The following CPED1 variants were observed in gnomAD, a reference collection of about 807,000 sequenced individuals.
CPED1 encodes the protein cadherin-like and PC-esterase domain-containing protein 1.
A neutral mutation model predicts 128.2 loss-of-function variants in CPED1; 114 were observed. That is an observed-to-expected ratio of 0.89 (90% CI 0.76 to 1.04). The LOEUF (loss-of-function observed/expected upper bound fraction) is 1.04. Ranked by LOEUF, CPED1 falls within the 50% of genes least tolerant of loss-of-function variation. The pLI is 0.00. For missense variants in CPED1, 1,211 were observed against 1,207.1 expected (o/e 1.00, Z -0.05); for synonymous variants, 462 against 426.7 (o/e 1.08, Z -1.02).
chr7:121,012,873 A>G (rs1792196657), intron 2 of CPED1, among the ~76,000 whole-genome samples: 1 of 152,220 alleles, frequency 6.6e-6, no homozygotes, highest in Non-Finnish European at 1.5e-5. Flanking sequence ...TCTACAGGGT[A>G]TATTAGTAAA....
chr7:121,015,255 C>T (rs1792270762), intron 2 of CPED1, among the ~76,000 whole-genome samples: 1 of 152,118 alleles, frequency 6.6e-6, no homozygotes, highest in Non-Finnish European at 1.5e-5. Flanking sequence ...CAAAACCCAT[C>T]CTCTCTGAGT....
In CPED1 at chr7:121,118,580, GAGAA is replaced by G. The variant is rs1253891600; in HGVS notation, c.919-5745_919-5742del. ...TCTAAAAAAAAAAAAAAAACAGAGA[GAGAA>G]AGAAAAAAAAAACCATATCTATCTG... On this transcript the variant is annotated intron_variant, in intron 7 of 22. Coordinates refer to ENST00000310396, the MANE Select transcript of CPED1 (RefSeq NM_024913.5). Among the ~76,000 whole-genome samples, 32 of 148,392 alleles carry G rather than the reference GAGAA, an allele frequency of 2.2e-4. No homozygotes were observed. The East Asian group carries it at 4.1e-3, about 19-fold the overall frequency.
At chr7:121,278,509 A>C (rs1298713276) in intron 22 of CPED1, among the ~76,000 whole-genome samples, 1 of 152,156 alleles carries the variant, frequency 6.6e-6, no homozygotes, top group Non-Finnish European at 1.5e-5. Context: ...AAAATCTTTC[A>C]ATGACCCTGT....
At chr7:121,240,000 A>T (rs1278253576) in intron 17 of CPED1, among the ~76,000 whole-genome samples, 1 of 152,188 alleles carries the variant, frequency 6.6e-6, no homozygotes, top group Non-Finnish European at 1.5e-5. Flanking sequence ...TGTCAAGAGC[A>T]CCAGTTTTGC....
intron 6 of CPED1, among the ~76,000 whole-genome samples, chr7:121,098,253 T>C (rs1794749860): frequency 6.6e-6 from 1 of 152,148 alleles, no homozygotes; most frequent in Admixed American, 6.5e-5. Flanking sequence ...GTTATCCAAG[T>C]TTTCTCCAGG....
intron 2 of CPED1, among the ~76,000 whole-genome samples, chr7:120,994,654 T>TGTGTGTGA: frequency 7.1e-6 from 1 of 141,724 alleles, no homozygotes; most frequent in South Asian, 2.1e-4. Flanking sequence ...TGTGTGTGTG[T>TGTGTGTGA]GTGTGTTGTT....
intron 16 of CPED1, among the ~76,000 whole-genome samples, chr7:121,185,466 A>G (rs1796982284): frequency 6.6e-6 from 1 of 152,188 alleles, no homozygotes; most frequent in Admixed American, 6.6e-5. Context: ...CACAGGAGAT[A>G]GGATAAATAA....
Position 121,000,380 on chromosome 7 carries a change from C to T in CPED1, c.249+10510C>T, listed in dbSNP as rs577742079. On this transcript the variant is annotated intron_variant, in intron 2 of 22. Coordinates refer to ENST00000310396, the MANE Select transcript of CPED1 (RefSeq NM_024913.5). ...ACCACATATGGAGTTCGGAAAGAAA[C>T]GTGACAATAAAAGACTGAGTCGGCC... Among the ~76,000 whole-genome samples, 84 of 152,114 alleles carry T rather than the reference C, an allele frequency of 5.5e-4. 2 individuals carry two copies. The South Asian group carries it at 0.016, about 29-fold the overall frequency.
At chr7:121,041,751 C>T (rs1344233659) in intron 3 of CPED1, among the ~76,000 whole-genome samples, 1 of 152,128 alleles carries the variant, frequency 6.6e-6, no homozygotes, top group Non-Finnish European at 1.5e-5. Context: ...CTAAAAATTG[C>T]TCTTACTTTT....
At chr7:121,044,965 AG>A (rs1435845940) in intron 3 of CPED1, among the ~76,000 whole-genome samples, 2 of 152,122 alleles carry the variant, frequency 1.3e-5, no homozygotes, top group Non-Finnish European at 2.9e-5. Context: ...ATATGACAGG[AG>A]GTTTCTTCTA....
chr7:120,993,246 G>A (rs1015224406), intron 2 of CPED1, among the ~76,000 whole-genome samples: 1 of 152,138 alleles, frequency 6.6e-6, no homozygotes, highest in Non-Finnish European at 1.5e-5. Context: ...AGCACAGGAA[G>A]CACATTAAAT....
At chr7:121,261,844 C>T (rs1584640191) in intron 18 of CPED1, 8 of 885,524 alleles carry the variant, frequency 9.0e-6, no homozygotes, top group South Asian at 1.6e-5. Flanking sequence ...GCTTATCTCA[C>T]CTAATACAGG....
chr7:121,141,721 TAATA>T (rs1795907650), intron 15 of CPED1, among the ~76,000 whole-genome samples: 1 of 152,116 alleles, frequency 6.6e-6, no homozygotes, highest in South Asian at 2.1e-4. Context: ...GGCAGGTGGT[TAATA>T]AATATTAGTT....
At chr7:121,111,189 T>C (rs1370015436) in intron 7 of CPED1, among the ~76,000 whole-genome samples, 1 of 152,180 alleles carries the variant, frequency 6.6e-6, no homozygotes, top group Non-Finnish European at 1.5e-5. Flanking sequence ...TCTCAGCCCT[T>C]GGTTGCTCTG....
chr7:121,201,448 AAGAG>A (rs1044732323), intron 16 of CPED1, among the ~76,000 whole-genome samples: 5 of 113,456 alleles, frequency 4.4e-5, no homozygotes, highest in African/African-American at 6.3e-5. Flanking sequence ...AAGAAAGAGA[AAGAG>A]AGAAAGAGGG....
intron 16 of CPED1, among the ~76,000 whole-genome samples, chr7:121,150,414 A>G (rs1396590351): frequency 1.3e-5 from 2 of 151,958 alleles, no homozygotes. Context: ...AGTATTCCGC[A>G]TGGTGTATAT....
In CPED1 at chr7:121,287,761, A is replaced by G. The variant is rs573252444; in HGVS notation, c.2869-7679A>G. ...ATGGCATTTTAATTAACTCGGGAAG[A>G]TTTGACATGCTATGTCTGCATTTGT... On this transcript the variant is annotated intron_variant, in intron 22 of 22. Coordinates refer to ENST00000310396, the MANE Select transcript of CPED1 (RefSeq NM_024913.5). Among the ~76,000 whole-genome samples the G allele has an allele frequency of 8.5e-5, 13 of 152,230 alleles. No homozygotes were observed. In the East Asian group the frequency reaches 2.3e-3, roughly 27 times the overall value.
intron 3 of CPED1, among the ~76,000 whole-genome samples, chr7:121,032,593 A>G (rs183088497): frequency 1.9e-4 from 29 of 151,942 alleles, no homozygotes; most frequent in Non-Finnish European, 3.7e-4. Flanking sequence ...ACCAATACCT[A>G]ATGTATGCGG....
intron 4 of CPED1, among the ~76,000 whole-genome samples, chr7:121,063,893 C>A (rs1485873310): frequency 6.6e-6 from 1 of 152,080 alleles, no homozygotes; most frequent in Admixed American, 6.6e-5. Context: ...GGGTTTAACA[C>A]TGAATTGCCA....
Sources: gnomAD v4.1 joint callset for allele counts (sites outside exome capture counted in the v4.1 genomes callset) on GRCh38, gnomAD v4.1.1 for gene constraint, MANE v1.5 for transcripts, NCBI Gene and HGNC (gene_info 2026-07-23, HGNC 2026-07-21) for gene names.